TAFA2: variants seen among roughly 807,000 people sequenced by gnomAD.
TAFA2 encodes chemokine-like protein TAFA-2.
Under a neutral mutation model 18.8 loss-of-function variants are expected in TAFA2, and 7 were observed. That is an observed-to-expected ratio of 0.37 (90% CI 0.21 to 0.70). The LOEUF is 0.70. Among genes scored for constraint, TAFA2 ranks in the 30% least tolerant of loss-of-function variants. TAFA2 has a pLI of 0.53. For synonymous variants in TAFA2, 60 were observed against 54.2 expected, an observed-to-expected ratio of 1.11 and a Z score of -0.47; for missense variants, 122 against 158.1, an observed-to-expected ratio of 0.77 and a Z score of 1.23.
At chr12:62,076,613 C>A (rs1868249885) in intron 1 of TAFA2, among the ~76,000 whole-genome samples, 1 of 152,132 alleles carries the variant, frequency 6.6e-6, no homozygotes, top group Admixed American at 6.5e-5. Context: ...GGCCAAGAAC[C>A]TTCCAGGAGC....
chr12:61,900,600 A>G (rs1480891287), intron 1 of TAFA2, among the ~76,000 whole-genome samples: 1 of 152,180 alleles, frequency 6.6e-6, no homozygotes, highest in Non-Finnish European at 1.5e-5. Context: ...CAAAGGGGGA[A>G]AGGCCCCATA....
At chr12:62,217,792 C>A (rs1484301344) in intron 1 of TAFA2, among the ~76,000 whole-genome samples, 1 of 152,156 alleles carries the variant, frequency 6.6e-6, no homozygotes, top group Non-Finnish European at 1.5e-5. Flanking sequence ...CTTCAGTAAA[C>A]TTCTTTCAGA....
At chr12:62,221,760 C>T (rs2062763965) in intron 1 of TAFA2, among the ~76,000 whole-genome samples, 1 of 151,532 alleles carries the variant, frequency 6.6e-6, no homozygotes, top group South Asian at 2.1e-4. Context: ...TTTTTATGAC[C>T]CTAGAGAAGG....
chr12:61,830,342 TACAC>T (rs1872671437), intron 2 of TAFA2, among the ~76,000 whole-genome samples: 1 of 151,216 alleles, frequency 6.6e-6, no homozygotes, highest in Admixed American at 6.6e-5. Flanking sequence ...TATGTATACA[TACAC>T]ACATATATAT....
At chr12:62,243,802 ACAGGGTCTTGCTCTAT>A (rs2062873166) in intron 1 of TAFA2, among the ~76,000 whole-genome samples, 1 of 152,138 alleles carries the variant, frequency 6.6e-6, no homozygotes, top group Non-Finnish European at 1.5e-5. Context: ...CTTTTTTGAG[ACAGGGTCTTGCTCTAT>A]CACCCAGACT....
At chr12:61,817,554 T>C (rs758033325) in intron 2 of TAFA2, among the ~76,000 whole-genome samples, 3 of 152,136 alleles carry the variant, frequency 2.0e-5, no homozygotes, top group Non-Finnish European at 4.4e-5. Flanking sequence ...AGAGAGAGCT[T>C]TTTATTTTTT....
chr12:62,012,412 TAAA>T (rs11301631), intron 1 of TAFA2, among the ~76,000 whole-genome samples: 145 of 145,004 alleles, frequency 1.0e-3, no homozygotes, highest in African/African-American at 2.9e-3. Context: ...TTTCAGCATT[TAAA>T]AAAAAAAAAA....
chr12:61,919,906 A>C (rs1003249773), intron 1 of TAFA2, among the ~76,000 whole-genome samples: 2 of 152,142 alleles, frequency 1.3e-5, no homozygotes, highest in Non-Finnish European at 2.9e-5. Context: ...ATTCAGGCAA[A>C]TGCATTTTTG....
At chr12:61,792,786 AT>A (rs1871037143) in intron 2 of TAFA2, among the ~76,000 whole-genome samples, 1 of 151,586 alleles carries the variant, frequency 6.6e-6, no homozygotes, top group South Asian at 2.1e-4. Context: ...GAGAAAAAAA[AT>A]AACTAGAAGG....
chr12:62,062,081 T>C (rs1882363944), intron 1 of TAFA2, among the ~76,000 whole-genome samples: 1 of 151,986 alleles, frequency 6.6e-6, no homozygotes, highest in Admixed American at 6.6e-5. Flanking sequence ...AGCTGAGGCA[T>C]GGGAATTGCT....
intron 1 of TAFA2, among the ~76,000 whole-genome samples, chr12:62,172,033 T>C (rs947112794): frequency 3.3e-5 from 5 of 152,206 alleles, no homozygotes; most frequent in African/African-American, 1.2e-4. Context: ...CTCTTATAAA[T>C]GTATTTTTAG....
intron 1 of TAFA2, among the ~76,000 whole-genome samples, chr12:61,903,199 T>C (rs1876189025): frequency 6.6e-6 from 1 of 152,026 alleles, no homozygotes; most frequent in Non-Finnish European, 1.5e-5. Flanking sequence ...TACAATAAAA[T>C]CCCAACCTCC....
At chr12:61,829,683 T>C (rs1872645500) in intron 2 of TAFA2, among the ~76,000 whole-genome samples, 1 of 151,598 alleles carries the variant, frequency 6.6e-6, no homozygotes, top group South Asian at 2.1e-4. Flanking sequence ...ATCTTTATCT[T>C]TTGTGCCAAA....
chr12:62,006,974 A>C (rs1251982473), intron 1 of TAFA2, among the ~76,000 whole-genome samples: 1 of 152,192 alleles, frequency 6.6e-6, no homozygotes, highest in Non-Finnish European at 1.5e-5. Context: ...TGGACTATAT[A>C]TTTCTTTTTA....
chr12:62,101,923 C>A (rs1869225383), intron 1 of TAFA2, among the ~76,000 whole-genome samples: 1 of 152,010 alleles, frequency 6.6e-6, no homozygotes, highest in Non-Finnish European at 1.5e-5. Context: ...CATAGTAGTG[C>A]TGACAAAATG....
At chr12:61,998,599 T>G (rs79007480) in intron 1 of TAFA2, among the ~76,000 whole-genome samples, 9,795 of 152,264 alleles carry the variant, frequency 0.064, 407 homozygotes, top group Non-Finnish European at 0.1. Context: ...ATGGGGAAAC[T>G]GAAGCTCCAA....
intron 1 of TAFA2, among the ~76,000 whole-genome samples, chr12:62,241,386 T>C (rs2062862173): frequency 6.6e-6 from 1 of 152,198 alleles, no homozygotes. Flanking sequence ...TAAATGTAAT[T>C]CTCAGATTCA....
At chr12:61,975,445 A>G (rs1879395429) in intron 1 of TAFA2, among the ~76,000 whole-genome samples, 3 of 151,066 alleles carry the variant, frequency 2.0e-5, no homozygotes, top group South Asian at 4.2e-4. Context: ...TTCACTTAGC[A>G]TAGTGTCTTT....
intron 1 of TAFA2, among the ~76,000 whole-genome samples, chr12:62,032,627 AT>A (rs983097377): frequency 2.0e-5 from 3 of 152,022 alleles, no homozygotes; most frequent in Non-Finnish European, 2.9e-5. Context: ...ATAGGAATAC[AT>A]TTTTTTCCAG....
Sources: gnomAD v4.1 joint callset for allele counts (sites outside exome capture counted in the v4.1 genomes callset) on GRCh38, gnomAD v4.1.1 for gene constraint, MANE v1.5 for transcripts, NCBI Gene and HGNC (gene_info 2026-07-23, HGNC 2026-07-21) for gene names.